NGEF: variants seen among roughly 807,000 people sequenced by gnomAD.
The protein encoded by NGEF is neuronal guanine nucleotide exchange factor.
In NGEF, 31 loss-of-function variants were observed where a neutral mutation model predicts 80.9. The observed-to-expected ratio is 0.38, with a 90% CI of 0.29 to 0.52. The LOEUF (loss-of-function observed/expected upper bound fraction) is 0.52, where lower values mean the gene tolerates loss of function less well. NGEF is among the 20% of genes least tolerant of loss of function. The pLI is 0.84. For synonymous variants in NGEF, 371 were observed against 370.2 expected (o/e 1.00, Z -0.03); for missense variants, 709 against 926.2 (o/e 0.77, Z 3.04).
At chr2:232,886,111 CAT>C (rs1691674811) in intron 9 of NGEF, among the ~76,000 whole-genome samples, 1 of 76,052 alleles carries the variant, frequency 1.3e-5, no homozygotes, top group African/African-American at 5.4e-5. Flanking sequence ...GCCATGTGTG[CAT>C]GTGTGTGCTG....
At chr2:232,882,056 G>A in intron 13 of NGEF, 130 bp downstream of exon 13, 2 of 746,342 alleles carry the variant, frequency 2.7e-6, no homozygotes, top group Non-Finnish European at 4.5e-6. Context: ...GCCCCTGGAG[G>A]CCCGTGCAGG....
intron 1 of NGEF, among the ~76,000 whole-genome samples, chr2:232,979,443 A>G (rs1348550589): frequency 6.6e-6 from 1 of 152,060 alleles, no homozygotes; most frequent in African/African-American, 2.4e-5. Flanking sequence ...ATTCTGCTGC[A>G]ATTATAGACT....
intron 13 of NGEF, 102 bp from the exon 14 acceptor site, chr2:232,881,352 C>T: frequency 1.2e-6 from 1 of 827,170 alleles, no homozygotes. Flanking sequence ...GGAAAACTCC[C>T]ACAGCAACTG....
chr2:232,890,886 G>A (rs748299524), intron 8 of NGEF: 57 of 470,906 alleles, frequency 1.2e-4, no homozygotes, highest in Middle Eastern at 6.5e-4. Flanking sequence ...ACCCACTCCC[G>A]TCCCCGTCAT....
intron 1 of NGEF, among the ~76,000 whole-genome samples, chr2:233,002,091 A>G (rs919586143): frequency 6.6e-6 from 1 of 152,176 alleles, no homozygotes; most frequent in Non-Finnish European, 1.5e-5. Flanking sequence ...TTCGTCTCTC[A>G]TCTAAAATAG....
At chr2:232,984,964 T>G (rs1694504144) in intron 1 of NGEF, among the ~76,000 whole-genome samples, 1 of 151,836 alleles carries the variant, frequency 6.6e-6, no homozygotes, top group African/African-American at 2.4e-5. Flanking sequence ...AATTAGGAAA[T>G]GAAATAAGGA....
In NGEF at chr2:232,975,325, A is replaced by G. The variant is rs1011140224; in HGVS notation, c.-74-361T>C. Among the ~76,000 whole-genome samples, 5 of 152,230 alleles carry G rather than the reference A, an allele frequency of 3.3e-5. No individual in the cohort carries two copies. In the South Asian group the frequency reaches 1.0e-3, roughly 32 times the overall value. ...ATTGAGAGGGACCGTAAATGTCTAG[A>G]CAGGAAAAGAAAGTCTCAGAAGATG... On this transcript the variant is annotated intron_variant, in intron 1 of 14. Coordinates refer to ENST00000264051, the MANE Select transcript of NGEF (RefSeq NM_019850.3).
chr2:232,957,213 A>T (rs1331045714), intron 3 of NGEF, among the ~76,000 whole-genome samples: 1 of 152,218 alleles, frequency 6.6e-6, no homozygotes, highest in African/African-American at 2.4e-5. Flanking sequence ...AAGGGAGAAG[A>T]TGTCAAGAGT....
intron 3 of NGEF, among the ~76,000 whole-genome samples, chr2:232,946,794 C>T (rs913298706): frequency 5.3e-5 from 8 of 152,084 alleles, no homozygotes; most frequent in Non-Finnish European, 1.0e-4. Context: ...GACAGTATAG[C>T]CAGCTGGGAG....
intron 5 of NGEF, among the ~76,000 whole-genome samples, chr2:232,909,435 A>AT (rs60593507): frequency 4.0e-5 from 6 of 151,824 alleles, no homozygotes; most frequent in South Asian, 2.1e-4. Flanking sequence ...GTTTTATGTA[A>AT]TTTTTTTTTA....
At chr2:232,928,561 G>T (rs1478582393) in intron 3 of NGEF, among the ~76,000 whole-genome samples, 1 of 152,160 alleles carries the variant, frequency 6.6e-6, no homozygotes, top group Non-Finnish European at 1.5e-5. Flanking sequence ...GAAGCTCCGA[G>T]CCCGGCCTCG....
At chr2:232,894,214 AG>A (rs1360480468) in intron 6 of NGEF, among the ~76,000 whole-genome samples, 1 of 152,214 alleles carries the variant, frequency 6.6e-6, no homozygotes, top group Non-Finnish European at 1.5e-5. Flanking sequence ...CCTCCGCTGC[AG>A]CTCGGCCCAG....
Position 232,970,354 on chromosome 2 carries a change from G to A in NGEF, c.269-26C>T, listed in dbSNP as rs1387041055. On this transcript the variant is annotated intron_variant, in intron 2 of 14. Transcript: ENST00000264051. The stretch of plus-strand genomic sequence containing the variant: ...CTGTGACAATTCAGAAATGGAGCAA[G>A]TTAGAAGATACAGATCAACCCTTTT... 11 of 1,451,320 alleles carry A rather than the reference G, an allele frequency of 7.6e-6. No individual in the cohort carries two copies. The East Asian group carries it at 9.5e-5, about 13-fold the overall frequency. 89.9% of individuals were successfully genotyped at this position (1,451,320 alleles called of 1,614,324 possible).
chr2:232,995,058 G>A (rs568631945), intron 1 of NGEF, among the ~76,000 whole-genome samples: 23 of 75,262 alleles, frequency 3.1e-4, no homozygotes, highest in African/African-American at 1.9e-3. Context: ...CTGTATATAT[G>A]TACAGTATGT....
intron 12 of NGEF, 147 bp downstream of exon 12, chr2:232,883,164 C>T (rs1691570229): frequency 2.0e-6 from 2 of 979,310 alleles, no homozygotes; most frequent in African/African-American, 3.3e-5. Context: ...AGTATTGGCG[C>T]AGGGTCTGGA....
intron 9 of NGEF, 24 bp from the exon 10 acceptor site, chr2:232,885,393 C>G: frequency 6.2e-7 from 1 of 1,607,136 alleles, no homozygotes; most frequent in Non-Finnish European, 8.5e-7. Context: ...GAGGGCACAT[C>G]AGGCCACCAA....
At chr2:232,997,706 A>T (rs6437082) in intron 1 of NGEF, among the ~76,000 whole-genome samples, 4 of 152,028 alleles carry the variant, frequency 2.6e-5, no homozygotes, top group Admixed American at 1.3e-4. Flanking sequence ...CACTGCTTCC[A>T]GCCACCCTGC....
chr2:232,946,284 G>A (rs2106301703), intron 3 of NGEF, among the ~76,000 whole-genome samples: 1 of 152,100 alleles, frequency 6.6e-6, no homozygotes, highest in African/African-American at 2.4e-5. Context: ...GACTTGGGGG[G>A]AAGGTTGGGA....
Position 232,940,896 on chromosome 2 carries a change from C to T in NGEF, c.384-13710G>A, listed in dbSNP as rs542875285. Among the ~76,000 whole-genome samples the T allele has an allele frequency of 1.1e-4, 16 of 152,194 alleles. No individual in the cohort carries two copies. The East Asian group carries it at 3.1e-3, about 29-fold the overall frequency. On this transcript the variant is annotated intron_variant, in intron 3 of 14. Transcript: ENST00000264051. Reference sequence around the variant, plus strand: ...AAATTTTCCTCCTTTCGTAACTGGCCAAGGGGTTCACCTTGCTGGCTGCCT... The same window carrying T: ...AAATTTTCCTCCTTTCGTAACTGGCTAAGGGGTTCACCTTGCTGGCTGCCT...
Sources: allele counts gnomAD v4.1 joint callset (sites outside exome capture counted in the v4.1 genomes callset), GRCh38; gene constraint gnomAD v4.1.1; transcripts MANE v1.5; gene names NCBI Gene and HGNC (gene_info 2026-07-23, HGNC 2026-07-21).